CIITA: variants seen among roughly 807,000 people sequenced by gnomAD.
CIITA encodes MHC class II transactivator.
Under a neutral mutation model 115.1 loss-of-function variants are expected in CIITA, and 72 were observed. The ratio of observed to expected loss-of-function variants is 0.63; its 90% CI spans 0.52 to 0.76. CIITA has a LOEUF of 0.76. CIITA is among the 30% of genes least tolerant of loss of function. CIITA has a pLI of 0.00. For missense variants in CIITA, 1,617 were observed against 1,463.8 expected, an observed-to-expected ratio of 1.10 and a Z score of -1.71; for synonymous variants, 763 against 635.6, an observed-to-expected ratio of 1.20 and a Z score of -3.02.
chr16:10,866,719 T>C (rs993664062), intron 1 of CIITA: 3 of 375,444 alleles, frequency 8.0e-6, no homozygotes, highest in Non-Finnish European at 1.6e-5. Flanking sequence ...CAGTGAAAAC[T>C]TGGAGCACTG....
At chr16:10,918,184 C>A (rs188836265) in intron 15 of CIITA, among the ~76,000 whole-genome samples, 76 of 152,294 alleles carry the variant, frequency 5.0e-4, no homozygotes, top group African/African-American at 1.8e-3. Flanking sequence ...TGAAAAGTGG[C>A]GCAGAGGGAA....
In CIITA at chr16:10,906,991, G is replaced by T; in HGVS notation, c.1499G>T (p.Gly500Val). 6.2e-7 allele frequency: 1 copy of T among 1,610,872 alleles called. No homozygotes were observed. ...RPDRVLLILD[G>V]FEELEAQDGF... ...GACCGCGTTCTGCTCATCCTAGACG[G>T]CTTCGAGGAGCTGGAAGCGCAAGAT... Residue 500 changes from glycine (G) to valine (V), a missense_variant, in exon 11 of 20, where the codon GGC becomes GTC. By Grantham distance (109) the Gly-to-Val change is moderately radical. Transcript: ENST00000324288.
Position 10,927,854 on chromosome 16 carries a change from C to T in CIITA, c.*3999C>T, listed in dbSNP as rs373523087. ...CTCTGCAGGGACAGGCACAGTGTGC[C>T]GGAAGTGCCCCTGAACCCCATTTGT... On this transcript the variant is annotated 3_prime_UTR_variant, in exon 20 of 20. Coordinates refer to ENST00000324288, the MANE Select transcript of CIITA (RefSeq NM_000246.4). 2.0e-5 allele frequency: 3 copies of T among 152,182 alleles called. No individual in the cohort carries two copies. Among genetic ancestry groups the T allele is most frequent in the African/African-American group, 2.4e-5 (1 of 41,424 alleles). 9.4% of individuals were successfully genotyped at this position (152,182 alleles called of 1,614,324 possible).
chr16:10,941,334 A>T (rs1057091597), downstream of CIITA: 3 of 192,628 alleles, frequency 1.6e-5, no homozygotes, highest in African/African-American at 7.1e-5. This position sits in a 1 kb window ranked among gnomAD's most constrained non-coding sequence, Gnocchi z 6.4. Context: ...CCCCAAATGT[A>T]ACTTAGTCTC....
chr16:10,938,863 A>G (rs2041064519), downstream of CIITA: 1 of 152,210 alleles, frequency 6.6e-6, no homozygotes, highest in Admixed American at 6.5e-5. The surrounding 1 kb of genome is among the most constrained non-coding windows in gnomAD (Gnocchi z 4.9). Flanking sequence ...AATATGTCGA[A>G]GCATTTGGGA....
intron 1 of CIITA, 139 bp from the exon 2 acceptor site, chr16:10,895,143 C>T (rs1251253511): frequency 1.4e-5 from 13 of 924,356 alleles, no homozygotes; most frequent in Non-Finnish European, 2.0e-5. Context: ...CCACGCTGAG[C>T]ATATAAGAGG....
In CIITA at chr16:10,898,772, C is replaced by A. The variant is rs757772586; in HGVS notation, c.358+40C>A. The A allele has an allele frequency of 4.3e-6, 7 of 1,610,102 alleles. No homozygotes were observed. In the South Asian group the frequency reaches 6.6e-5, roughly 15 times the overall value. On this transcript the variant is annotated intron_variant, in intron 4 of 19. Transcript: ENST00000324288. Reference sequence around the variant, plus strand: ...GGTGGGGAGGTCTTGGCTCAGCCTGCATTTCCTGCCTTGTTCCCTGGGGGG... The same window carrying A: ...GGTGGGGAGGTCTTGGCTCAGCCTGAATTTCCTGCCTTGTTCCCTGGGGGG...
intron 1 of CIITA, among the ~76,000 whole-genome samples, chr16:10,892,903 G>T (rs1218727380): frequency 6.6e-6 from 1 of 152,212 alleles, no homozygotes; most frequent in African/African-American, 2.4e-5. Flanking sequence ...CTGCATTCCA[G>T]CCTGGGCAAC....
At chr16:10,882,191 C>T (rs1011303126) in intron 1 of CIITA, among the ~76,000 whole-genome samples, 21 of 152,236 alleles carry the variant, frequency 1.4e-4, no homozygotes, top group Non-Finnish European at 2.4e-4. Flanking sequence ...TAAAATCGGT[C>T]TATTTAAGTT....
At chr16:10,889,024 C>T (rs749088397) in intron 1 of CIITA, among the ~76,000 whole-genome samples, 4 of 152,224 alleles carry the variant, frequency 2.6e-5, no homozygotes, top group Non-Finnish European at 5.9e-5. Flanking sequence ...CTGGCACTTG[C>T]TGGACACTGT....
chr16:10,908,827 G>T, intron 11 of CIITA: 2 of 715,286 alleles, frequency 2.8e-6, no homozygotes, highest in Non-Finnish European at 4.7e-6. Context: ...GAAGCAAAAA[G>T]GGAAAGAAAA....
In CIITA at chr16:10,941,643, C is replaced by A; in HGVS notation, n.769C>A. On this transcript the variant is annotated non_coding_transcript_exon_variant, in exon 2 of 2. Transcript: ENST00000573379. This position sits in a 1 kb window ranked among gnomAD's most constrained non-coding sequence, Gnocchi z 6.4. The stretch of plus-strand genomic sequence containing the variant: ...AGATGGTGCCCCCAACCAGCTGCGG[C>A]GGCATGATCTGGGCGGCTGGTCCAG... 3 of 1,528,966 alleles carry A rather than the reference C, an allele frequency of 2.0e-6. No individual in the cohort carries two copies. The highest frequency in any genetic ancestry group is 2.6e-6 in the Non-Finnish European group (3 of 1,137,644). 94.7% of individuals were successfully genotyped at this position (1,528,966 alleles called of 1,614,324 possible).
chr16:10,893,084 T>C (rs563804765), intron 1 of CIITA, among the ~76,000 whole-genome samples: 2 of 151,896 alleles, frequency 1.3e-5, no homozygotes, highest in South Asian at 2.1e-4. Flanking sequence ...GAGTTTAGAG[T>C]GATGCAGCCA....
In CIITA at chr16:10,929,273, C is replaced by G. The variant is rs186156834; in HGVS notation, c.*5418C>G. ...TGTCCGCAGTTTGAAGTGTCCTCTC[C>G]GAAGGTGAAGTGGGGGAAGCAGGTG... is the stretch of plus-strand genomic sequence containing the variant. On this transcript the variant is annotated 3_prime_UTR_variant, in exon 20 of 20. Transcript: ENST00000324288. The surrounding 1 kb of genome is among the most constrained non-coding windows in gnomAD (Gnocchi z 4.3). 1.2e-5 allele frequency: 12 copies of G among 985,804 alleles called. No individual in the cohort carries two copies. Among genetic ancestry groups the G allele is most frequent in the African/African-American group, 1.7e-5 (1 of 57,230 alleles). The allele number at this position is 985,804 out of a possible 1,614,324, so 61.1% of individuals were successfully genotyped here.
At chr16:10,887,701 G>C (rs961618207) in intron 1 of CIITA, among the ~76,000 whole-genome samples, 2 of 152,090 alleles carry the variant, frequency 1.3e-5, no homozygotes, top group Non-Finnish European at 2.9e-5. Flanking sequence ...CACCATGCTG[G>C]TCAGGCTGGT....
chr16:10,910,659 G>A (rs57313549), intron 13 of CIITA, among the ~76,000 whole-genome samples: 4,073 of 152,256 alleles, frequency 0.027, 189 homozygotes, highest in African/African-American at 0.093. Flanking sequence ...TGGGGAGAGG[G>A]GAGTAAGAAA....
chr16:10,941,578 A>G lies in CIITA; in HGVS notation n.704A>G. The G allele has an allele frequency of 6.9e-7, 1 of 1,457,742 alleles. No individual in the cohort carries two copies. Among genetic ancestry groups the G allele is most frequent in the Non-Finnish European group, 9.1e-7 (1 of 1,104,192 alleles). 90.3% of individuals were successfully genotyped at this position (1,457,742 alleles called of 1,614,324 possible). On this transcript the variant is annotated non_coding_transcript_exon_variant, in exon 2 of 2. Transcript: ENST00000573379. This position sits in a 1 kb window ranked among gnomAD's most constrained non-coding sequence, Gnocchi z 6.4. ...CAGAGAGGGCACTTACAGGCCTCGGAGGCAGGGGAGGGTCTCCTCCTGGGG... is the reference window on the plus strand; with the variant it reads ...CAGAGAGGGCACTTACAGGCCTCGGGGGCAGGGGAGGGTCTCCTCCTGGGG...
At chr16:10,878,018 AT>A (rs2036009471) in intron 1 of CIITA, among the ~76,000 whole-genome samples, 1 of 152,174 alleles carries the variant, frequency 6.6e-6, no homozygotes, top group Non-Finnish European at 1.5e-5. Context: ...AGTCGTTTAC[AT>A]TCTCGAGTCA....
At chr16:10,874,312 G>A (rs1258955117), upstream of CIITA, among the ~76,000 whole-genome samples, 1 of 152,182 alleles carries the variant, frequency 6.6e-6, no homozygotes, top group African/African-American at 2.4e-5. Context: ...GCAGGAACAA[G>A]GATGCAGGTG....
Sources: allele counts gnomAD v4.1 joint callset (sites outside exome capture counted in the v4.1 genomes callset), GRCh38; gene constraint gnomAD v4.1.1; non-coding constraint Gnocchi (gnomAD v3.1); transcripts MANE v1.5; gene names NCBI Gene and HGNC (gene_info 2026-07-23, HGNC 2026-07-21).